PRDM2: variants seen among roughly 807,000 people sequenced by gnomAD.
The protein encoded by PRDM2 is PR/SET domain 2, also known as PR domain zinc finger protein 2.
A neutral mutation model predicts 130.0 loss-of-function variants in PRDM2; 30 were observed. That is an observed-to-expected ratio of 0.23 (90% confidence interval 0.17 to 0.31). The LOEUF (loss-of-function observed/expected upper bound fraction) is 0.31, where lower values mean the gene tolerates loss of function less well. Ranked by LOEUF, PRDM2 falls within the 10% of genes least tolerant of loss-of-function variation. The pLI is 1.00. For synonymous variants in PRDM2, 871 were observed against 782.4 expected (o/e 1.11, Z -1.89); for missense variants, 2,011 against 2,108.4 (o/e 0.95, Z 0.90).
intron 6 of PRDM2, among the ~76,000 whole-genome samples, chr1:13,752,746 T>C (rs1400630957): frequency 1.3e-5 from 2 of 152,186 alleles, no homozygotes; most frequent in Non-Finnish European, 2.9e-5. Context: ...ACAAATGGGC[T>C]TAGTGGAAGG....
intron 8 of PRDM2, among the ~76,000 whole-genome samples, chr1:13,808,287 C>T (rs964763523): frequency 4.6e-5 from 7 of 152,046 alleles, no homozygotes; most frequent in Admixed American, 1.3e-4. Context: ...GTCAGGAGAT[C>T]GAGACCATCC....
intron 8 of PRDM2, among the ~76,000 whole-genome samples, chr1:13,791,328 C>T (rs1644835235): frequency 6.6e-6 from 1 of 152,104 alleles, no homozygotes; most frequent in Non-Finnish European, 1.5e-5. Context: ...AACTTCTACC[C>T]CCATCACAGA....
At chr1:13,768,818 T>C (rs1557635713) in intron 6 of PRDM2, among the ~76,000 whole-genome samples, 1 of 152,194 alleles carries the variant, frequency 6.6e-6, no homozygotes, top group African/African-American at 2.4e-5. Context: ...CTAGCAAAAT[T>C]GATCCATTAA....
chr1:13,732,173 A>G (rs889053703), intron 3 of PRDM2, among the ~76,000 whole-genome samples: 7 of 152,204 alleles, frequency 4.6e-5, no homozygotes, highest in African/African-American at 7.2e-5. Context: ...AATAGAAACA[A>G]CCCTAAGAAT....
In PRDM2 at chr1:13,804,314, C is replaced by G. The variant is rs189084111; in HGVS notation, c.5037-12113C>G. Among the ~76,000 whole-genome samples the G allele has an allele frequency of 8.3e-4, 126 of 152,264 alleles. No homozygotes were observed. In the East Asian group the frequency reaches 0.017, roughly 20 times the overall value. On this transcript the variant is annotated intron_variant, in intron 8 of 9. Transcript: ENST00000311066. ...GGTGTCAAACCTTTACCCCTGCCCC[C>G]CAAGGCCTACGTTCATTCTCTCCCC...
chr1:13,790,458 C>T (rs768814550), intron 8 of PRDM2, among the ~76,000 whole-genome samples: 7 of 152,094 alleles, frequency 4.6e-5, no homozygotes, highest in Non-Finnish European at 8.8e-5. Flanking sequence ...GGTGAAGGAA[C>T]CACGGGCCTA....
rs756295414 is a variant in PRDM2 at position 13,780,953 on chromosome 1, C to T, written c.3158C>T (p.Ser1053Phe). 3 of 1,607,768 alleles carry T rather than the reference C, an allele frequency of 1.9e-6. No individual in the cohort carries two copies. The highest frequency in any genetic ancestry group is 2.2e-5 in the South Asian group (2 of 90,900). Reference protein sequence around the residue: ...AASPGPPTLSSSSSSSSSSSS... With the variant: ...AASPGPPTLSFSSSSSSSSSS... ...TCACCCGGGCCTCCAACACTTTCTT[C>T]TTCCTCCTCTTCATCTTCCTCCTCC... The change falls in exon 8 of 10, where the codon TCT becomes TTT. Residue 1053 changes from serine to phenylalanine, a missense_variant. Physicochemically the swap from Ser to Phe is radical, Grantham distance 155. Transcript: ENST00000311066.
rs534295668 is a variant in PRDM2 at position 13,810,431 on chromosome 1, T to C, written c.5037-5996T>C. Among the ~76,000 whole-genome samples the C allele has an allele frequency of 2.6e-5, 4 of 152,280 alleles. No individual in the cohort carries two copies. The South Asian group carries it at 8.3e-4, about 32-fold the overall frequency. On this transcript the variant is annotated intron_variant, in intron 8 of 9. Coordinates refer to ENST00000311066, the MANE Select transcript of PRDM2 (RefSeq NM_001393986.1). Reference sequence around the variant, plus strand: ...ACTTGTAAGCCATCGGCCGTATTCGTTTGAATTGTGTGTACAGTAAGAACA... The same window carrying C: ...ACTTGTAAGCCATCGGCCGTATTCGCTTGAATTGTGTGTACAGTAAGAACA...
chr1:13,806,271 G>A lies in PRDM2; in HGVS notation c.5037-10156G>A, dbSNP rs773698094. 4.9e-5 allele frequency among the ~76,000 whole-genome samples: 7 copies of A among 143,224 alleles called. No homozygotes were observed. The highest frequency in any genetic ancestry group is 2.5e-4 in the South Asian group (1 of 3,972). 94.0% of individuals were successfully genotyped at this position (143,224 alleles called of 152,430 possible). ...CCCTGGGCTCTGTCCCCCGCATCCC[G>A]CCTCCATCCCTGGGCTCTGTCCCCT... On this transcript the variant is annotated intron_variant, in intron 8 of 9. Coordinates refer to ENST00000311066, the MANE Select transcript of PRDM2 (RefSeq NM_001393986.1). This position sits in a 1 kb window ranked among gnomAD's most constrained non-coding sequence, Gnocchi z 4.1.
At chr1:13,743,382 A>G (rs934634475) in intron 5 of PRDM2, among the ~76,000 whole-genome samples, 2 of 145,398 alleles carry the variant, frequency 1.4e-5, no homozygotes, top group Non-Finnish European at 3.0e-5. Flanking sequence ...CCTGGGTAAC[A>G]GAGCAAGACT....
In PRDM2 at chr1:13,799,208, C is replaced by T. The variant is rs1290768578; in HGVS notation, c.5036+16377C>T. Among the ~76,000 whole-genome samples the T allele has an allele frequency of 2.6e-5, 4 of 152,290 alleles. No individual in the cohort carries two copies. In the East Asian group the frequency reaches 5.8e-4, roughly 22 times the overall value. On this transcript the variant is annotated intron_variant, in intron 8 of 9. Coordinates refer to ENST00000311066, the MANE Select transcript of PRDM2 (RefSeq NM_001393986.1). ...CCTGTAATCCTAGCACTTTGGGAGG[C>T]CAAGGCAGGTGGATCACCTGAGGTC...
chr1:13,783,813 C>G (rs997950766), intron 8 of PRDM2, among the ~76,000 whole-genome samples: 40 of 152,242 alleles, frequency 2.6e-4, no homozygotes, highest in Admixed American at 2.2e-3. Context: ...TAAGTCTTGT[C>G]TTTTCACAGG....
chr1:13,702,980 T>C (rs1240246205), intron 1 of PRDM2, among the ~76,000 whole-genome samples: 6 of 152,226 alleles, frequency 3.9e-5, no homozygotes, highest in African/African-American at 1.4e-4. Context: ...CACAGATAAC[T>C]GCCGCCCTGT....
intron 6 of PRDM2, among the ~76,000 whole-genome samples, chr1:13,766,390 T>C (rs1303359855): frequency 6.6e-6 from 1 of 152,320 alleles, no homozygotes; most frequent in South Asian, 2.1e-4. Flanking sequence ...AGTTGTCAAA[T>C]GTGAAGGAGA....
At chr1:13,702,648 T>C (rs926620307) in intron 1 of PRDM2, among the ~76,000 whole-genome samples, 4 of 152,214 alleles carry the variant, frequency 2.6e-5, no homozygotes, top group African/African-American at 7.2e-5. Context: ...TTCATGAGAC[T>C]GTTTCTTTAA....
rs1441226929 is a variant in PRDM2, at chr1:13,823,693, C to T, written c.*558C>T. ...GTTGGAGCCGAGCCTGAACATGCCCCTCGGCCCCAGCACATGGAAAACCCC... is the reference window on the plus strand; with the variant it reads ...GTTGGAGCCGAGCCTGAACATGCCCTTCGGCCCCAGCACATGGAAAACCCC... On this transcript the variant is annotated 3_prime_UTR_variant, in exon 10 of 10. Coordinates refer to ENST00000311066, the MANE Select transcript of PRDM2 (RefSeq NM_001393986.1). 1 of 154,584 alleles carries T rather than the reference C, an allele frequency of 6.5e-6. No individual in the cohort carries two copies. Among genetic ancestry groups the T allele is most frequent in the Non-Finnish European group, 1.4e-5 (1 of 69,626 alleles). The allele number at this position is 154,584 out of a possible 1,614,324, so 9.6% of individuals were successfully genotyped here. A position where few individuals can be genotyped will look rare whatever the true frequency, so the allele number is the denominator to read the frequency against.
chr1:13,770,884 G>A (rs1644346023), intron 6 of PRDM2, among the ~76,000 whole-genome samples: 1 of 152,194 alleles, frequency 6.6e-6, no homozygotes, highest in Admixed American at 6.5e-5. Flanking sequence ...TCACACATCA[G>A]TTGCAGCACA....
intron 6 of PRDM2, chr1:13,770,415 TTTAC>T: frequency 2.4e-6 from 1 of 408,900 alleles, no homozygotes. Flanking sequence ...ATCTAGACAT[TTTAC>T]TTATTTAATA....
chr1:13,720,732 C>T (rs963640483), intron 2 of PRDM2, among the ~76,000 whole-genome samples: 2 of 152,186 alleles, frequency 1.3e-5, no homozygotes, highest in East Asian at 3.9e-4. Context: ...GGGGTGGGCA[C>T]CATTACTATC....
Sources: gnomAD v4.1 joint callset for allele counts (sites outside exome capture counted in the v4.1 genomes callset) on GRCh38, gnomAD v4.1.1 for gene constraint, Gnocchi (gnomAD v3.1) non-coding constraint, MANE v1.5 for transcripts, NCBI Gene and HGNC (gene_info 2026-07-23, HGNC 2026-07-21) for gene names.